The following UMOD variants were observed in gnomAD, a reference collection of about 807,000 sequenced individuals.
The protein encoded by UMOD is uromodulin.
UMOD carries 64 observed loss-of-function variants against 66.0 expected under a neutral mutation model. The ratio of observed to expected loss-of-function variants is 0.97; its 90% confidence interval spans 0.79 to 1.19. The LOEUF is 1.19. UMOD is among the 50% of genes most tolerant of loss of function. UMOD has a pLI of 0.00. For synonymous variants in UMOD, 398 were observed against 352.7 expected (o/e 1.13, Z -1.44); for missense variants, 764 against 850.9 (o/e 0.90, Z 1.27).
intron 7 of UMOD, among the ~76,000 whole-genome samples, 161 bp downstream of exon 7, chr16:20,340,930 G>T (rs191176763): frequency 4.0e-5 from 6 of 150,932 alleles, no homozygotes; most frequent in Non-Finnish European, 8.8e-5. Flanking sequence ...GGAGGCGGAG[G>T]TTGCAGTGAG....
rs138178893 is a variant in UMOD, at chr16:20,346,208, G to A, written c.1100C>T (p.Ser367Leu). 22 of 1,614,088 alleles carry A rather than the reference G, an allele frequency of 1.4e-5. No homozygotes were observed. Among genetic ancestry groups the A allele is most frequent in the Middle Eastern group, 1.6e-4 (1 of 6,084 alleles). Residue 367 changes from serine to leucine, a missense_variant, in exon 5 of 11, where the codon TCG (serine) becomes TTG (leucine). By Grantham distance (145) the Ser-to-Leu change is moderately radical. Transcript: ENST00000396138. ...VFMYLSDSRC[S>L]GFNDRDNRDW... is the part of the protein sequence containing the mutation. ...CCGGTTGTCTCTGTCATTGAAGCCC[G>A]AGCACCGGCTGTCACTCAGGTACAT... is the stretch of plus-strand genomic sequence containing the variant.
At chr16:20,334,560 T>C (rs368936537) in intron 10 of UMOD, among the ~76,000 whole-genome samples, 1 of 152,188 alleles carries the variant, frequency 6.6e-6, no homozygotes, top group Non-Finnish European at 1.5e-5. Context: ...CATGTGATTA[T>C]CTGGGCATGC....
chr16:20,344,243 T>C, intron 5 of UMOD, 71 bp from the exon 6 acceptor site: 2 of 1,464,880 alleles, frequency 1.4e-6, no homozygotes, highest in African/African-American at 1.4e-5. Context: ...GAGTAGGACT[T>C]CAAAGCTAAA....
intron 10 of UMOD, among the ~76,000 whole-genome samples, chr16:20,334,239 C>T (rs538803488): frequency 4.0e-5 from 6 of 151,438 alleles, no homozygotes; most frequent in East Asian, 3.9e-4. Context: ...CTTGTTTGGC[C>T]GTTGTGTTTG....
chr16:20,348,495 C>A lies in UMOD; in HGVS notation c.806G>T (p.Gly269Val), dbSNP rs1229165400. The A allele has an allele frequency of 1.1e-5, 17 of 1,611,118 alleles. No individual in the cohort carries two copies. Among genetic ancestry groups the A allele is most frequent in the Non-Finnish European group, 1.2e-5 (14 of 1,179,806 alleles). Residue 269 changes from glycine to valine, a missense_variant, in exon 3 of 11, where the codon GGC becomes GTC. Coordinates refer to ENST00000396138, the MANE Select transcript of UMOD (RefSeq NM_003361.4). ...TGTCAGGTTGTAGACGTAGTAGCCGCCGGCACAGGCCTTCACCTGGACGGA... is the reference window on the plus strand; with the variant it reads ...TGTCAGGTTGTAGACGTAGTAGCCGACGGCACAGGCCTTCACCTGGACGGA... The part of the protein sequence containing the change: ...DASVQVKACA[G>V]GYYVYNLTAP...
chr16:20,352,602 G>T (rs370017768), intron 1 of UMOD, 87 bp downstream of exon 1: 56 of 1,058,240 alleles, frequency 5.3e-5, no homozygotes, highest in Middle Eastern at 6.9e-4. Flanking sequence ...TGACCCCAGT[G>T]TCCAAGGTCT....
At chr16:20,341,705 C>CAA (rs35830321) in intron 6 of UMOD, among the ~76,000 whole-genome samples, 5 of 151,894 alleles carry the variant, frequency 3.3e-5, no homozygotes, top group South Asian at 2.1e-4. Context: ...TTCAAGATGG[C>CAA]AAAAAAACAA....
chr16:20,348,765 G>A lies in UMOD; in HGVS notation c.536C>T (p.Thr179Ile). Residue 179 changes from threonine to isoleucine, a missense_variant, in exon 3 of 11, where the codon ACC (threonine) becomes ATC (isoleucine). Coordinates refer to ENST00000396138, the MANE Select transcript of UMOD (RefSeq NM_003361.4). ...GGTGCTGCGCCAGTACTCGTCCAGG[G>A]TGCGGTGCGCCTGGCACGGATCCGC... ...VCADPCQAHR[T>I]LDEYWRSTEY... is the part of the protein sequence containing the mutation. The A allele has an allele frequency of 1.9e-6, 3 of 1,543,774 alleles. No individual in the cohort carries two copies. The highest frequency in any genetic ancestry group is 2.6e-6 in the Non-Finnish European group (3 of 1,145,718).
Position 20,341,251 on chromosome 16 carries a change from G to C in UMOD, c.1417C>G (p.Gln473Glu). 1 of 1,614,086 alleles carries C rather than the reference G, an allele frequency of 6.2e-7. No individual in the cohort carries two copies. The change falls in exon 7 of 11, where the codon CAA becomes GAA. Residue 473 changes from glutamine to glutamate, a missense_variant. By Grantham distance (29) the Gln-to-Glu change is conservative. Transcript: ENST00000396138. ...FQTPSYTQPY[Q>E]GSSVTLSTEA... ...GTGGACAGTGTCACGGAGGAGCCTT[G>C]GTAGGGCTGCGTGTAGGAAGGGGTC...
chr16:20,344,764 C>T (rs915008077), intron 5 of UMOD, among the ~76,000 whole-genome samples: 14 of 152,156 alleles, frequency 9.2e-5, no homozygotes, highest in Admixed American at 7.2e-4. Flanking sequence ...GAATACCCCT[C>T]CTGAGTCATA....
Position 20,341,193 on chromosome 16 carries a change from T to C in UMOD, c.1475A>G (p.Asp492Gly), listed in dbSNP as rs372216632. ...EAFLYVGTMLDGGDLSRFALL... is the reference protein window; with the variant it reads ...EAFLYVGTMLGGGDLSRFALL... ...TGCAAATCGGGACAGGTCGCCCCCA[T>C]CCAACATGGTGCCCACGTAGAGAAA... Residue 492 changes from aspartate to glycine, a missense_variant, in exon 7 of 11, where the codon GAT (aspartate) becomes GGT (glycine). Transcript: ENST00000396138. 30 of 1,613,726 alleles carry C rather than the reference T, an allele frequency of 1.9e-5. No individual in the cohort carries two copies. The African/African-American group carries it at 3.7e-4, about 20-fold the overall frequency.
At chr16:20,338,413 G>A (rs1965000442) in intron 7 of UMOD, among the ~76,000 whole-genome samples, 1 of 152,144 alleles carries the variant, frequency 6.6e-6, no homozygotes, top group East Asian at 1.9e-4. Context: ...TCACCCAGAT[G>A]GCAACTTATA....
In UMOD at chr16:20,333,067, T is replaced by A; in HGVS notation, c.*247A>T. On this transcript the variant is annotated 3_prime_UTR_variant, in exon 11 of 11. Transcript: ENST00000396138. ...TTCAAAGACTGAGATTTAAAAATCA[T>A]TATTTTGCCACACTCTTTAAGGAGA... 2.0e-6 allele frequency: 1 copy of A among 503,164 alleles called. No homozygotes were observed. Among genetic ancestry groups the A allele is most frequent in the South Asian group, 2.1e-5 (1 of 48,736 alleles). The allele number at this position is 503,164 out of a possible 1,614,324, so 31.2% of individuals were successfully genotyped here. A position where few individuals can be genotyped will look rare whatever the true frequency, so the allele number is the denominator to read the frequency against.
chr16:20,338,813 G>C (rs1020543675), intron 7 of UMOD, among the ~76,000 whole-genome samples: 8 of 152,128 alleles, frequency 5.3e-5, no homozygotes, highest in Non-Finnish European at 1.0e-4. Flanking sequence ...AAGCTGGAGT[G>C]CAATGGTGTG....
Position 20,348,849 on chromosome 16 carries a change from G to T in UMOD, c.452C>A (p.Ser151Tyr). 3.9e-6 allele frequency: 6 copies of T among 1,548,056 alleles called. No homozygotes were observed. Among genetic ancestry groups the T allele is most frequent in the Non-Finnish European group, 5.2e-6 (6 of 1,147,096 alleles). The change falls in exon 3 of 11, where the codon TCC becomes TAC. Residue 151 changes from serine (S) to tyrosine (Y), a missense_variant. Physicochemically the swap from Ser to Tyr is moderately radical, Grantham distance 144. Transcript: ENST00000396138. Reference sequence around the variant, plus strand: ...CAACCCCGGCCCGCAGGAGCCCGGGGAGCACTCACAGTGCCATCCATCCCC... The same window carrying T: ...CAACCCCGGCCCGCAGGAGCCCGGGTAGCACTCACAGTGCCATCCATCCCC... ...YRGDGWHCEC[S>Y]PGSCGPGLDC...
At position 20,344,065 on chromosome 16, in the gene UMOD, G is replaced by A. The variant is rs1323994689; in HGVS notation, c.1290C>T (p.Asp430=). 1.2e-6 allele frequency: 2 copies of A among 1,614,018 alleles called. No individual in the cohort carries two copies. Among genetic ancestry groups the A allele is most frequent in the Non-Finnish European group, 8.5e-7 (1 of 1,180,026 alleles). The change falls in exon 6 of 11, where the codon GAC becomes GAT. Residue 430 remains aspartate, a synonymous_variant. Coordinates refer to ENST00000396138, the MANE Select transcript of UMOD (RefSeq NM_003361.4). The stretch of plus-strand genomic sequence containing the variant: ...GGGCGGTCTTCAGGCTGACTTTCAT[G>A]TCCAGGGGGTAGGAGCATGCAAAGT... ...KINFACSYPL[D]MKVSLKTALQ...
At chr16:20,342,062 G>A (rs762829506) in intron 6 of UMOD, among the ~76,000 whole-genome samples, 8 of 152,208 alleles carry the variant, frequency 5.3e-5, no homozygotes. Flanking sequence ...ACAGAGAGAG[G>A]GACCAGGTGC....
Position 20,348,319 on chromosome 16 carries a change from C to A in UMOD, c.877G>T (p.Val293Leu), listed in dbSNP as rs1242783097. Residue 293 changes from valine (V) to leucine (L), a missense_variant, in exon 4 of 11, where the codon GTG (valine) becomes TTG (leucine). Val to Leu is a conservative substitution (Grantham distance 32, BLOSUM62 1). Transcript: ENST00000396138. ...CTGCACTCCTCACACGTCCCCTCCA[C>A]GGAGCTGGGGTCTGCAGGGTCACAG... ...HLAYCTDPSS[V>L]EGTCEECSID... 1.2e-6 allele frequency: 2 copies of A among 1,614,146 alleles called. No homozygotes were observed. Among genetic ancestry groups the A allele is most frequent in the African/African-American group, 2.7e-5 (2 of 74,958 alleles).
chr16:20,348,594 G>T lies in UMOD; in HGVS notation c.707C>A (p.Pro236Gln). The change falls in exon 3 of 11, where the codon CCG (proline) becomes CAG (glutamine). Residue 236 changes from proline (P) to glutamine (Q), a missense_variant. Pro to Gln is a moderately conservative substitution (Grantham distance 76). Coordinates refer to ENST00000396138, the MANE Select transcript of UMOD (RefSeq NM_003361.4). ...AAPMWLNGTH[P>Q]SSDEGIVSRK... The stretch of plus-strand genomic sequence containing the variant: ...GCTCACGATGCCCTCGTCGCTGGAC[G>T]GATGCGTGCCATTGAGCCACATGGG... 6.3e-7 allele frequency: 1 copy of T among 1,591,414 alleles called. No homozygotes were observed. The highest frequency in any genetic ancestry group is 8.5e-7 in the Non-Finnish European group (1 of 1,173,948).
Sources: gnomAD v4.1 joint callset for allele counts (sites outside exome capture counted in the v4.1 genomes callset) on GRCh38, gnomAD v4.1.1 for gene constraint, MANE v1.5 for transcripts, NCBI Gene and HGNC (gene_info 2026-07-23, HGNC 2026-07-21) for gene names.